Variants in NLGN4X observed in about 807,000 individuals in gnomAD.
The protein encoded by NLGN4X is neuroligin 4 X-linked.
A neutral mutation model predicts 40.3 loss-of-function variants in NLGN4X; 3 were observed. That is an observed-to-expected ratio of 0.07 (90% confidence interval 0.03 to 0.19). The LOEUF (loss-of-function observed/expected upper bound fraction) is 0.19. NLGN4X is among the 10% of genes least tolerant of loss of function. NLGN4X has a pLI of 1.00. For synonymous variants in NLGN4X, 270 were observed against 306.8 expected (o/e 0.88, Z 1.25); for missense variants, 382 against 708.3 (o/e 0.54, Z 5.23).
chrX:6,184,737 C>A (rs1921842611), intron 1 of NLGN4X, among the ~76,000 whole-genome samples: 1 of 112,457 alleles, frequency 8.9e-6, no homozygotes, highest in South Asian at 3.7e-4. Context: ...ACTAACATAG[C>A]CCAGAGCCCA....
At chrX:5,973,196 T>C in intron 3 of NLGN4X, among the ~76,000 whole-genome samples, 1 of 112,431 alleles carries the variant, frequency 8.9e-6, no homozygotes, top group East Asian at 2.8e-4. Context: ...CAAACTATGA[T>C]CCAGGAAGCA....
intron 1 of NLGN4X, among the ~76,000 whole-genome samples, chrX:6,210,791 C>G (rs1258909180): frequency 8.9e-6 from 1 of 112,212 alleles, no homozygotes; most frequent in Non-Finnish European, 1.9e-5. Flanking sequence ...ATGTAAAAGA[C>G]AAATCAACCT....
At chrX:6,161,933 C>T (rs1353564926) in intron 1 of NLGN4X, among the ~76,000 whole-genome samples, 1 of 111,535 alleles carries the variant, frequency 9.0e-6, no homozygotes, top group Non-Finnish European at 1.9e-5. Flanking sequence ...TTCGAACTAA[C>T]CAAGTGAAAT....
chrX:6,079,713 C>A (rs2038298179), intron 2 of NLGN4X, among the ~76,000 whole-genome samples: 1 of 112,206 alleles, frequency 8.9e-6, no homozygotes, highest in South Asian at 3.7e-4. Context: ...ATAGTAAGCA[C>A]TCAATAAATG....
At chrX:6,110,997 C>T (rs1017253910) in intron 2 of NLGN4X, among the ~76,000 whole-genome samples, 2 of 111,489 alleles carry the variant, frequency 1.8e-5, no homozygotes, top group Admixed American at 9.5e-5. Flanking sequence ...CCCAGCAAAG[C>T]GAAGCTAATC....
chrX:5,986,947 G>T (rs1461584167), intron 3 of NLGN4X, among the ~76,000 whole-genome samples: 2 of 112,233 alleles, frequency 1.8e-5, no homozygotes, highest in Non-Finnish European at 3.8e-5. Flanking sequence ...TACAGTTGAA[G>T]ATTTGAACCA....
intron 3 of NLGN4X, among the ~76,000 whole-genome samples, chrX:5,996,696 T>C (rs1210423224): frequency 9.1e-6 from 1 of 109,441 alleles, no homozygotes; most frequent in African/African-American, 3.3e-5. Flanking sequence ...CCTCCCGGGT[T>C]CAGGAGATTC....
At chrX:5,981,674 A>G (rs1325991444) in intron 3 of NLGN4X, among the ~76,000 whole-genome samples, 2 of 111,151 alleles carry the variant, frequency 1.8e-5, no homozygotes, top group African/African-American at 6.5e-5. Context: ...ATCTACCATT[A>G]TTCTTTCCTA....
chrX:5,964,202 T>C (rs1296595747), intron 3 of NLGN4X, among the ~76,000 whole-genome samples: 1 of 111,771 alleles, frequency 8.9e-6, no homozygotes, highest in Admixed American at 9.6e-5. Context: ...TATGCAAAAA[T>C]AAATGAGAAG....
At chrX:6,087,860 A>G (rs927995976) in intron 2 of NLGN4X, among the ~76,000 whole-genome samples, 1 of 112,580 alleles carries the variant, frequency 8.9e-6, no homozygotes, top group African/African-American at 3.2e-5. Context: ...ATGAGACTGG[A>G]CATTGTTATT....
intron 2 of NLGN4X, among the ~76,000 whole-genome samples, chrX:6,067,659 A>G (rs971528654): frequency 9.0e-6 from 1 of 111,547 alleles, no homozygotes; most frequent in Non-Finnish European, 1.9e-5. Flanking sequence ...TCAGCATTAG[A>G]TAGTGCATCT....
At chrX:5,990,077 CCTCTCTCTCTCTCTCT>C (rs71839664) in intron 3 of NLGN4X, among the ~76,000 whole-genome samples, 6 of 83,694 alleles carry the variant, frequency 7.2e-5, no homozygotes, top group Non-Finnish European at 1.1e-4. Context: ...TCTCTATTTT[CCTCTCTCTCTCTCTCT>C]CTCTCTCTCT....
chrX:6,221,094 T>A (rs5915662), intron 1 of NLGN4X, among the ~76,000 whole-genome samples: 1 of 105,073 alleles, frequency 9.5e-6, no homozygotes, highest in African/African-American at 3.5e-5. Context: ...ATTTATTTAT[T>A]TATTTATATT....
At chrX:5,991,731 G>T (rs1014117338) in intron 3 of NLGN4X, among the ~76,000 whole-genome samples, 1 of 111,984 alleles carries the variant, frequency 8.9e-6, no homozygotes. Context: ...TCGTGGGCTG[G>T]TAACACCAAT....
intron 4 of NLGN4X, among the ~76,000 whole-genome samples, chrX:5,908,830 A>G (rs2032336693): frequency 8.9e-6 from 1 of 112,144 alleles, no homozygotes; most frequent in African/African-American, 3.2e-5. Context: ...GTTGGAAGCT[A>G]CAATGAGCTA....
intron 3 of NLGN4X, among the ~76,000 whole-genome samples, chrX:5,938,968 T>C (rs5961894): frequency 2.7e-4 from 26 of 95,549 alleles, no homozygotes; most frequent in African/African-American, 7.6e-4. Flanking sequence ...TGTGTGTGCG[T>C]GTGTGTGTGT....
chrX:5,946,252 T>C (rs1200350322), intron 3 of NLGN4X, among the ~76,000 whole-genome samples: 1 of 111,391 alleles, frequency 9.0e-6, no homozygotes, highest in Non-Finnish European at 1.9e-5. Context: ...TCGACAAATG[T>C]CTCCTGAAGT....
At chrX:6,096,536 G>T (rs1364908960) in intron 2 of NLGN4X, among the ~76,000 whole-genome samples, 1 of 111,876 alleles carries the variant, frequency 8.9e-6, no homozygotes, top group Non-Finnish European at 1.9e-5. Context: ...CAATGCAGCT[G>T]AGTTGTGGAA....
At position 6,175,887 on chromosome X, in the gene NLGN4X, G is replaced by T. The variant is rs186330430; in HGVS notation, c.-305-24116C>A. Among the ~76,000 whole-genome samples the T allele has an allele frequency of 3.0e-3, 331 of 110,534 alleles. 1 individual carries two copies. Among genetic ancestry groups the T allele is most frequent in the African/African-American group, 0.01 (306 of 30,406 alleles). On this transcript the variant is annotated intron_variant, in intron 1 of 5. Transcript: ENST00000381095. ...GTGTATAAGCTTCTGGACCTCATTT[G>T]GAGGGTAGATCTTCATTCCAAAGGC...
Sources: gnomAD v4.1 joint callset for allele counts (sites outside exome capture counted in the v4.1 genomes callset) on GRCh38, gnomAD v4.1.1 for gene constraint, MANE v1.5 for transcripts, NCBI Gene and HGNC (gene_info 2026-07-23, HGNC 2026-07-21) for gene names.